TMEM178B: variants seen among roughly 807,000 people sequenced by gnomAD.
The protein encoded by TMEM178B is transmembrane protein 178B.
TMEM178B carries 5 observed loss-of-function variants against 31.0 expected under a neutral mutation model. That is an observed-to-expected ratio of 0.16 (90% confidence interval 0.08 to 0.34). The LOEUF is 0.34. Among genes scored for constraint, TMEM178B ranks in the 10% least tolerant of loss-of-function variants. The pLI is 1.00. For missense variants in TMEM178B, 275 were observed against 400.3 expected (o/e 0.69, Z 2.67); for synonymous variants, 164 against 164.0 (o/e 1.00, Z 0.00).
intron 1 of TMEM178B, among the ~76,000 whole-genome samples, chr7:141,106,085 C>CAAAAAAA: frequency 8.1e-6 from 1 of 122,798 alleles, no homozygotes; most frequent in South Asian, 2.8e-4. Context: ...GACCCTGTCT[C>CAAAAAAA]AAAAAAAAAA....
chr7:141,504,089 T>A, the TMEM178B span, among the ~76,000 whole-genome samples: 3 of 152,236 alleles, frequency 2.0e-5, no homozygotes, highest in African/African-American at 7.2e-5. Flanking sequence ...ATCCTTGAAC[T>A]AGATAGATTT....
intron 2 of TMEM178B, among the ~76,000 whole-genome samples, chr7:141,405,371 A>C (rs900859822): frequency 6.6e-6 from 1 of 152,200 alleles, no homozygotes; most frequent in African/African-American, 2.4e-5. Flanking sequence ...CCTCACCATC[A>C]TGGAGGCCTT....
chr7:141,228,713 G>A (rs1219645449), intron 2 of TMEM178B, among the ~76,000 whole-genome samples: 1 of 152,184 alleles, frequency 6.6e-6, no homozygotes, highest in Non-Finnish European at 1.5e-5. Flanking sequence ...GGTGAATGAA[G>A]ATAGCAGTGG....
intron 2 of TMEM178B, among the ~76,000 whole-genome samples, chr7:141,263,558 G>C (rs1159729858): frequency 6.6e-6 from 1 of 152,178 alleles, no homozygotes; most frequent in East Asian, 1.9e-4. Flanking sequence ...CATTAATTCA[G>C]GGAGTGTTGA....
chr7:141,198,246 A>C (rs1796816749), intron 1 of TMEM178B, among the ~76,000 whole-genome samples: 1 of 152,148 alleles, frequency 6.6e-6, no homozygotes, highest in South Asian at 2.1e-4. Context: ...AGTCTGTAGG[A>C]AATGCCTGGC....
intron 2 of TMEM178B, among the ~76,000 whole-genome samples, chr7:141,265,586 C>T (rs968538268): frequency 2.0e-5 from 3 of 152,094 alleles, no homozygotes; most frequent in Non-Finnish European, 2.9e-5. Flanking sequence ...TAGCATAGTA[C>T]GTGGCACCCT....
intron 2 of TMEM178B, among the ~76,000 whole-genome samples, chr7:141,388,088 G>A (rs575673853): frequency 3.9e-5 from 6 of 152,264 alleles, no homozygotes; most frequent in Admixed American, 2.0e-4. Context: ...GACATTATAC[G>A]ACATGTCTGT....
At chr7:141,097,654 T>C (rs1466733070) in intron 1 of TMEM178B, among the ~76,000 whole-genome samples, 2 of 152,104 alleles carry the variant, frequency 1.3e-5, no homozygotes, top group Non-Finnish European at 2.9e-5. Flanking sequence ...TTTCATCAAG[T>C]GCTAAATTTG....
At chr7:141,438,937 C>G (rs1801606331) in intron 3 of TMEM178B, among the ~76,000 whole-genome samples, 1 of 151,512 alleles carries the variant, frequency 6.6e-6, no homozygotes, top group Non-Finnish European at 1.5e-5. Context: ...GTAAGTCCTG[C>G]ATTTAGAAAC....
At chr7:141,142,629 G>A (rs1220196944) in intron 1 of TMEM178B, among the ~76,000 whole-genome samples, 2 of 151,974 alleles carry the variant, frequency 1.3e-5, no homozygotes, top group East Asian at 1.9e-4. Flanking sequence ...GGATGGTCTC[G>A]ATCTCCTGAC....
At chr7:141,365,576 T>C (rs1271611479) in intron 2 of TMEM178B, among the ~76,000 whole-genome samples, 3 of 152,222 alleles carry the variant, frequency 2.0e-5, no homozygotes, top group Non-Finnish European at 4.4e-5. Flanking sequence ...GCTAAATCAA[T>C]GTCACCATAA....
At chr7:141,148,766 A>G (rs916284996) in intron 1 of TMEM178B, among the ~76,000 whole-genome samples, 1 of 152,248 alleles carries the variant, frequency 6.6e-6, no homozygotes, top group African/African-American at 2.4e-5. Flanking sequence ...AATCAGTCAC[A>G]TGGTTCTAAG....
chr7:141,456,303 T>C (rs1801962213), intron 3 of TMEM178B, among the ~76,000 whole-genome samples: 1 of 152,210 alleles, frequency 6.6e-6, no homozygotes, highest in Middle Eastern at 3.4e-3. Context: ...CTGTATTTTA[T>C]GGTTAAAGGG....
intron 2 of TMEM178B, among the ~76,000 whole-genome samples, chr7:141,372,833 G>A (rs1800143052): frequency 1.3e-5 from 2 of 152,308 alleles, no homozygotes; most frequent in Non-Finnish European, 2.9e-5. Context: ...GCCAGACTTG[G>A]AACCCAAATG....
chr7:141,185,983 C>T (rs1200797003), intron 1 of TMEM178B, among the ~76,000 whole-genome samples: 1 of 152,124 alleles, frequency 6.6e-6, no homozygotes, highest in Non-Finnish European at 1.5e-5. Flanking sequence ...ATCGGCTCCT[C>T]CTGAGAATTC....
chr7:141,249,187 C>G (rs149829279), intron 2 of TMEM178B, among the ~76,000 whole-genome samples: 3 of 152,092 alleles, frequency 2.0e-5, no homozygotes, highest in Non-Finnish European at 4.4e-5. Flanking sequence ...AGTGGGAGAT[C>G]GTTGAATCAT....
intron 1 of TMEM178B, among the ~76,000 whole-genome samples, chr7:141,125,680 G>GAAAAA (rs774508037): frequency 2.5e-5 from 2 of 78,736 alleles, no homozygotes; most frequent in African/African-American, 4.5e-5. Context: ...ACTCCATCTC[G>GAAAAA]AAAAAAAAAA....
intron 2 of TMEM178B, among the ~76,000 whole-genome samples, chr7:141,304,460 C>A (rs1323905861): frequency 6.6e-6 from 1 of 152,170 alleles, no homozygotes; most frequent in African/African-American, 2.4e-5. Context: ...TGCAGACCTT[C>A]CCCAGGCAAG....
chr7:141,406,774 T>C (rs531378660), intron 2 of TMEM178B, among the ~76,000 whole-genome samples: 2 of 152,340 alleles, frequency 1.3e-5, no homozygotes, highest in Admixed American at 1.3e-4. Context: ...GAACGTCATC[T>C]GTTAAGGTAA....
Sources: allele counts gnomAD v4.1 joint callset (sites outside exome capture counted in the v4.1 genomes callset), GRCh38; gene constraint gnomAD v4.1.1; transcripts MANE v1.5; gene names NCBI Gene and HGNC (gene_info 2026-07-23, HGNC 2026-07-21).